CARMIL1: variants seen among roughly 807,000 people sequenced by gnomAD.
CARMIL1 encodes the protein F-actin-uncapping protein LRRC16A.
Under a neutral mutation model 177.1 loss-of-function variants are expected in CARMIL1, and 90 were observed. The observed-to-expected ratio is 0.51, with a 90% CI of 0.43 to 0.61. The LOEUF is 0.61. Ranked by LOEUF, CARMIL1 falls within the 20% of genes least tolerant of loss-of-function variation. The pLI is 0.00. For synonymous variants in CARMIL1, 577 were observed against 606.2 expected (o/e 0.95, Z 0.71); for missense variants, 1,380 against 1,667.0 (o/e 0.83, Z 3.00).
At chr6:25,405,896 C>A (rs1794322263) in intron 2 of CARMIL1, among the ~76,000 whole-genome samples, 1 of 152,156 alleles carries the variant, frequency 6.6e-6, no homozygotes, top group African/African-American at 2.4e-5. Context: ...GATTCACAGA[C>A]CGTAGCAACT....
chr6:25,381,394 C>G (rs215015), intron 2 of CARMIL1, among the ~76,000 whole-genome samples: 1 of 151,926 alleles, frequency 6.6e-6, no homozygotes, highest in Non-Finnish European at 1.5e-5. Context: ...ACAACCAATT[C>G]TTCGACTCTG....
At chr6:25,594,567 C>A in intron 32 of CARMIL1, 40 bp downstream of exon 32, 1 of 1,112,300 alleles carries the variant, frequency 9.0e-7, no homozygotes, top group Non-Finnish European at 1.4e-6. Context: ...CTATTTTATT[C>A]ATATTTAAAT....
chr6:25,581,329 C>T lies in CARMIL1; in HGVS notation c.2896C>T (p.Arg966Trp), dbSNP rs763392762. Residue 966 changes from arginine to tryptophan, a missense_variant, in exon 31 of 37, where the codon CGG (arginine) becomes TGG (tryptophan). Physicochemically the swap from Arg to Trp is moderately radical, Grantham distance 101. Transcript: ENST00000329474. ...PPFPSLRQEK[R>W]SSGFISELPS... ...CTTCCCATCCCTCAGACAGGAGAAG[C>T]GGAGCTCGGGATTTATCTCTGAGTT... The T allele has an allele frequency of 2.0e-5, 32 of 1,613,616 alleles. No homozygotes were observed. The highest frequency in any genetic ancestry group is 1.3e-4 in the East Asian group (6 of 44,884).
At chr6:25,306,433 A>G (rs1783272117) in intron 2 of CARMIL1, among the ~76,000 whole-genome samples, 1 of 152,086 alleles carries the variant, frequency 6.6e-6, no homozygotes, top group African/African-American at 2.4e-5. Flanking sequence ...TGTGCTCCAT[A>G]TGAGAATCTA....
chr6:25,495,074 G>A (rs1330987197), intron 15 of CARMIL1, 37 bp from the exon 16 acceptor site: 1 of 1,164,288 alleles, frequency 8.6e-7, no homozygotes, highest in African/African-American at 1.5e-5. Context: ...GTTTGATGAA[G>A]GTGTAACCGC....
At chr6:25,308,924 A>T (rs1783510820) in intron 2 of CARMIL1, among the ~76,000 whole-genome samples, 1 of 152,200 alleles carries the variant, frequency 6.6e-6, no homozygotes. Flanking sequence ...AATTCAACAA[A>T]TACTTATGGA....
At chr6:25,443,051 A>G (rs1002051815) in intron 5 of CARMIL1, among the ~76,000 whole-genome samples, 4 of 152,170 alleles carry the variant, frequency 2.6e-5, no homozygotes, top group Non-Finnish European at 4.4e-5. Flanking sequence ...TGAACCCCCT[A>G]TGTATCATCA....
chr6:25,308,153 GC>G (rs1783427814), intron 2 of CARMIL1, among the ~76,000 whole-genome samples: 1 of 152,066 alleles, frequency 6.6e-6, no homozygotes, highest in South Asian at 2.1e-4. Context: ...GTTTCTCTTA[GC>G]CCTTATTTCT....
chr6:25,338,748 A>T (rs1786561143), intron 2 of CARMIL1, among the ~76,000 whole-genome samples: 1 of 152,242 alleles, frequency 6.6e-6, no homozygotes. Context: ...TGATTCGGTT[A>T]TAACAAACTA....
chr6:25,563,484 C>T (rs907715657), intron 29 of CARMIL1: 1 of 985,366 alleles, frequency 1.0e-6, no homozygotes, highest in Non-Finnish European at 1.2e-6. Context: ...CTTGTTTACC[C>T]AGGTGATGGG....
At chr6:25,488,285 G>A (rs1802867409) in intron 12 of CARMIL1, among the ~76,000 whole-genome samples, 197 bp from the exon 13 acceptor site, 2 of 152,208 alleles carry the variant, frequency 1.3e-5, no homozygotes, top group African/African-American at 4.8e-5. Flanking sequence ...CAGTGAGGGG[G>A]TTGTGTCTTT....
chr6:25,422,161 C>G (rs1051873257), intron 3 of CARMIL1, among the ~76,000 whole-genome samples: 4 of 152,136 alleles, frequency 2.6e-5, no homozygotes, highest in African/African-American at 9.7e-5. Context: ...CTGAGCTGAA[C>G]TGCTTCCCCT....
At chr6:25,453,394 G>C (rs1799184068) in intron 8 of CARMIL1, among the ~76,000 whole-genome samples, 1 of 152,074 alleles carries the variant, frequency 6.6e-6, no homozygotes, top group Non-Finnish European at 1.5e-5. Context: ...CTGAAAAAAA[G>C]GAGCTGGTTC....
At chr6:25,345,177 A>T (rs1178408944) in intron 2 of CARMIL1, among the ~76,000 whole-genome samples, 8 of 151,960 alleles carry the variant, frequency 5.3e-5, no homozygotes, top group African/African-American at 1.9e-4. Context: ...CTCCCTTCTT[A>T]CTTCATTTAC....
chr6:25,561,503 G>A (rs949558661), intron 29 of CARMIL1, among the ~76,000 whole-genome samples: 1 of 152,134 alleles, frequency 6.6e-6, no homozygotes, highest in South Asian at 2.1e-4. Flanking sequence ...AATTATTACA[G>A]AACGCATCTT....
At chr6:25,348,719 TTGCAGTGAGCCGAGA>T (rs1265083275) in intron 2 of CARMIL1, among the ~76,000 whole-genome samples, 11 of 151,892 alleles carry the variant, frequency 7.2e-5, no homozygotes, top group African/African-American at 2.7e-4. Context: ...GAGGCAGAGG[TTGCAGTGAGCCGAGA>T]TCGTGCCTCT....
chr6:25,551,805 T>G lies in CARMIL1; in HGVS notation c.2504+720T>G, dbSNP rs72839079. ...TTTCCATTTTAACCATTTTTGAATATTGATAAAGATATTTAGATGTAGCAG... is the reference window on the plus strand; with the variant it reads ...TTTCCATTTTAACCATTTTTGAATAGTGATAAAGATATTTAGATGTAGCAG... On this transcript the variant is annotated intron_variant, in intron 27 of 36. Coordinates refer to ENST00000329474, the MANE Select transcript of CARMIL1 (RefSeq NM_017640.6). Among the ~76,000 whole-genome samples, 949 of 152,256 alleles carry G rather than the reference T, an allele frequency of 6.2e-3. 4 individuals are homozygous for G. Among genetic ancestry groups the G allele is most frequent in the Non-Finnish European group, 0.011 (726 of 68,022 alleles).
chr6:25,462,776 G>A (rs1313820413), intron 8 of CARMIL1, among the ~76,000 whole-genome samples: 1 of 152,182 alleles, frequency 6.6e-6, no homozygotes, highest in South Asian at 2.1e-4. Context: ...TATTCAGCAA[G>A]TCTCTCGTCT....
intron 2 of CARMIL1, among the ~76,000 whole-genome samples, chr6:25,316,746 G>A (rs1784309700): frequency 6.6e-6 from 1 of 152,080 alleles, no homozygotes; most frequent in African/African-American, 2.4e-5. Context: ...CTAGTCTAGT[G>A]TAATAGAAGA....
Sources: gnomAD v4.1 joint callset for allele counts (sites outside exome capture counted in the v4.1 genomes callset) on GRCh38, gnomAD v4.1.1 for gene constraint, MANE v1.5 for transcripts, NCBI Gene and HGNC (gene_info 2026-07-23, HGNC 2026-07-21) for gene names.